The following FBLN5 variants were observed in gnomAD, a reference collection of about 807,000 sequenced individuals.
The protein encoded by FBLN5 is fibulin-5.
FBLN5 carries 24 observed loss-of-function variants against 61.6 expected under a neutral mutation model. The ratio of observed to expected loss-of-function variants is 0.39; its 90% confidence interval spans 0.28 to 0.55. The LOEUF is 0.55. FBLN5 is among the 20% of genes least tolerant of loss of function. FBLN5 has a pLI of 0.65. For missense variants in FBLN5, 470 were observed against 594.1 expected, an observed-to-expected ratio of 0.79 and a Z score of 2.17; for synonymous variants, 213 against 219.8, an observed-to-expected ratio of 0.97 and a Z score of 0.27.
At chr14:91,923,819 T>C (rs982588662) in intron 4 of FBLN5, among the ~76,000 whole-genome samples, 2 of 152,140 alleles carry the variant, frequency 1.3e-5, no homozygotes, top group Non-Finnish European at 2.9e-5. Context: ...CCCTTGGCAG[T>C]GTCTGACACA....
intron 4 of FBLN5, among the ~76,000 whole-genome samples, chr14:91,902,917 G>C (rs1890519931): frequency 6.6e-6 from 1 of 152,114 alleles, no homozygotes; most frequent in African/African-American, 2.4e-5. Context: ...AATAGACATT[G>C]GGGACTACTA....
At chr14:91,942,298 C>A in intron 2 of FBLN5, 1 of 399,580 alleles carries the variant, frequency 2.5e-6, no homozygotes, top group Non-Finnish European at 4.9e-6. Flanking sequence ...ATGGGCCCTC[C>A]TAGGTTTGGA....
At chr14:91,910,839 A>T (rs1890890248) in intron 4 of FBLN5, among the ~76,000 whole-genome samples, 1 of 152,136 alleles carries the variant, frequency 6.6e-6, no homozygotes, top group African/African-American at 2.4e-5. Context: ...AGGGAAGGAA[A>T]GAAGCAGGAA....
Position 91,943,420 on chromosome 14 carries a change from A to G in FBLN5, c.18-459T>C, listed in dbSNP as rs2056137415. 6.6e-6 allele frequency among the ~76,000 whole-genome samples: 1 copy of G among 151,972 alleles called. No homozygotes were observed. Among genetic ancestry groups the G allele is most frequent in the East Asian group, 1.9e-4 (1 of 5,160 alleles). ...CAGCTACTCAGGAGGCTGAGGTGGG[A>G]TCACCTGAGCCCAGGGGGTTTGAGG... is the stretch of plus-strand genomic sequence containing the variant. On this transcript the variant is annotated intron_variant, in intron 1 of 10. Coordinates refer to ENST00000342058, the MANE Select transcript of FBLN5 (RefSeq NM_006329.4). The surrounding 1 kb of genome is among the most constrained non-coding windows in gnomAD (Gnocchi z 4.0).
At chr14:91,901,987 G>A (rs1241265948) in intron 4 of FBLN5, among the ~76,000 whole-genome samples, 2 of 152,194 alleles carry the variant, frequency 1.3e-5, no homozygotes, top group Admixed American at 1.3e-4. Flanking sequence ...GCCCCTTCAA[G>A]CTATGATCTT....
At chr14:91,912,544 C>T (rs1035405779) in intron 4 of FBLN5, among the ~76,000 whole-genome samples, 2 of 152,114 alleles carry the variant, frequency 1.3e-5, no homozygotes, top group Non-Finnish European at 2.9e-5. Flanking sequence ...ACTTGGGAGG[C>T]TGAGGCAGGA....
At position 91,937,180 on chromosome 14, in the gene FBLN5, A is replaced by T. The variant is rs530387562; in HGVS notation, c.146T>A (p.Ile49Asn). 6.2e-7 allele frequency: 1 copy of T among 1,613,896 alleles called. No individual in the cohort carries two copies. Among genetic ancestry groups the T allele is most frequent in the Non-Finnish European group, 8.5e-7 (1 of 1,180,008 alleles). The stretch of plus-strand genomic sequence containing the variant: ...CATGTCTCCTCGGCAGGCCTCGGGG[A>T]TGGTTCGGCATTCATCAATATCTGA... ...QCLDIDECRTIPEACRGDMMC... is the reference protein window; with the variant it reads ...QCLDIDECRTNPEACRGDMMC... Residue 49 changes from isoleucine (I) to asparagine (N), a missense_variant, in exon 4 of 11, where the codon ATC (isoleucine) becomes AAC (asparagine). Ile to Asn is a moderately radical substitution (Grantham distance 149). Transcript: ENST00000342058.
At chr14:91,935,598 G>A (rs1004098873) in intron 4 of FBLN5, among the ~76,000 whole-genome samples, 1 of 152,090 alleles carries the variant, frequency 6.6e-6, no homozygotes, top group Non-Finnish European at 1.5e-5. Flanking sequence ...GTAGACAGGG[G>A]AGAAGTTAGG....
chr14:91,907,406 C>T (rs765296606), intron 4 of FBLN5, among the ~76,000 whole-genome samples: 3 of 152,134 alleles, frequency 2.0e-5, no homozygotes, highest in Non-Finnish European at 2.9e-5. Flanking sequence ...TCTAAACCAG[C>T]GTTTTCAAGG....
intron 10 of FBLN5, among the ~76,000 whole-genome samples, chr14:91,876,820 A>G (rs1350471300): frequency 6.6e-6 from 1 of 152,118 alleles, no homozygotes; most frequent in African/African-American, 2.4e-5. Flanking sequence ...CTTTGCCTTA[A>G]GTCACCAAGT....
chr14:91,901,719 T>A (rs987162325), intron 4 of FBLN5, among the ~76,000 whole-genome samples: 2 of 152,220 alleles, frequency 1.3e-5, no homozygotes, highest in Middle Eastern at 3.2e-3. Context: ...GCACTCCATG[T>A]GTCTTACGGT....
In FBLN5 at chr14:91,877,658, G is replaced by T. The variant is rs1260529094; in HGVS notation, c.1014C>A (p.Asn338Lys). Residue 338 changes from asparagine to lysine, a missense_variant, in exon 10 of 11, where the codon AAC becomes AAA. Transcript: ENST00000342058. ...SDNRCMCPAE[N>K]PGCRDQPFTI... The stretch of plus-strand genomic sequence containing the variant: ...TAAAGGGCTGGTCTCTGCAGCCAGG[G>T]TTCTCAGCAGGACACATACAGCGGC... 1 of 1,614,004 alleles carries T rather than the reference G, an allele frequency of 6.2e-7. No homozygotes were observed. The highest frequency in any genetic ancestry group is 2.2e-5 in the East Asian group (1 of 44,900).
intron 4 of FBLN5, among the ~76,000 whole-genome samples, chr14:91,918,641 C>T (rs2055670979): frequency 6.6e-6 from 1 of 152,142 alleles, no homozygotes; most frequent in African/African-American, 2.4e-5. Context: ...TTGACTTTGT[C>T]TACGAGTGCA....
At chr14:91,883,803 G>C (rs1889598556) in intron 7 of FBLN5, among the ~76,000 whole-genome samples, 1 of 152,182 alleles carries the variant, frequency 6.6e-6, no homozygotes, top group Admixed American at 6.5e-5. Context: ...AATGGAAGCA[G>C]CAGCTTCCAG....
At chr14:91,871,420 TA>T in intron 10 of FBLN5, among the ~76,000 whole-genome samples, 1 of 152,266 alleles carries the variant, frequency 6.6e-6, no homozygotes, top group East Asian at 1.9e-4. Flanking sequence ...ACTGTGGTCC[TA>T]ATAATTTCGC....
chr14:91,896,162 C>G lies in FBLN5; in HGVS notation c.380-1090G>C, dbSNP rs559904685. Among the ~76,000 whole-genome samples the G allele has an allele frequency of 5.9e-5, 9 of 152,320 alleles. No individual in the cohort carries two copies. In the South Asian group the frequency reaches 1.9e-3, roughly 32 times the overall value. On this transcript the variant is annotated intron_variant, in intron 4 of 10. Transcript: ENST00000342058. Reference sequence around the variant, plus strand: ...CTGAAACATCCTCCTCCCCTTTCTCCCCTGCACTGCACTTTAGGGGAGAGC... The same window carrying G: ...CTGAAACATCCTCCTCCCCTTTCTCGCCTGCACTGCACTTTAGGGGAGAGC...
intron 4 of FBLN5, among the ~76,000 whole-genome samples, chr14:91,920,195 C>T (rs1337734829): frequency 2.6e-5 from 4 of 152,142 alleles, no homozygotes; most frequent in Non-Finnish European, 5.9e-5. Context: ...ATTTTATTAA[C>T]CCATTTGTGG....
chr14:91,877,728 G>C (rs1889239465), intron 9 of FBLN5, 46 bp from the exon 10 acceptor site: 3 of 1,469,890 alleles, frequency 2.0e-6, no homozygotes, highest in Non-Finnish European at 2.9e-6. Flanking sequence ...TCCATTCCAG[G>C]TGCTGGCTGT....
intron 5 of FBLN5, among the ~76,000 whole-genome samples, chr14:91,893,213 G>A (rs1890069869): frequency 6.6e-6 from 1 of 152,132 alleles, no homozygotes; most frequent in Non-Finnish European, 1.5e-5. Context: ...TATAAAAGTT[G>A]GATGACATAA....
Sources: allele counts gnomAD v4.1 joint callset (sites outside exome capture counted in the v4.1 genomes callset), GRCh38; gene constraint gnomAD v4.1.1; non-coding constraint Gnocchi (gnomAD v3.1); transcripts MANE v1.5; gene names NCBI Gene and HGNC (gene_info 2026-07-23, HGNC 2026-07-21).